The following UPF2 variants were observed in gnomAD, a reference collection of about 807,000 sequenced individuals.
The protein encoded by UPF2 is UPF2 regulator of nonsense mediated mRNA decay.
In UPF2, 17 loss-of-function variants were observed where a neutral mutation model predicts 141.4. That is an observed-to-expected ratio of 0.12 (90% confidence interval 0.08 to 0.18). The LOEUF (loss-of-function observed/expected upper bound fraction) is 0.18. UPF2 is among the 10% of genes least tolerant of loss of function. The pLI is 1.00. For synonymous variants in UPF2, 540 were observed against 498.0 expected, an observed-to-expected ratio of 1.08 and a Z score of -1.12; for missense variants, 1,152 against 1,515.9, an observed-to-expected ratio of 0.76 and a Z score of 3.99.
intron 1 of UPF2, among the ~76,000 whole-genome samples, chr10:12,038,926 C>T (rs546119582): frequency 7.3e-6 from 1 of 136,826 alleles, no homozygotes; most frequent in Non-Finnish European, 1.7e-5. Context: ...CTCGGCCTTC[C>T]AAAGTGCTAG....
intron 1 of UPF2, among the ~76,000 whole-genome samples, chr10:12,041,889 T>G (rs1299173007): frequency 1.3e-5 from 2 of 152,086 alleles, no homozygotes; most frequent in African/African-American, 2.4e-5. Flanking sequence ...GTCGTGTAAG[T>G]CCTCTAAGAT....
rs116522898 is a variant in UPF2, at chr10:12,005,522, G to T, written c.1307-795C>A. 4.2e-3 allele frequency among the ~76,000 whole-genome samples: 635 copies of T among 152,262 alleles called. 5 individuals are homozygous for T. The highest frequency in any genetic ancestry group is 0.014 in the African/African-American group (598 of 41,576). On this transcript the variant is annotated intron_variant, in intron 4 of 21. Coordinates refer to ENST00000357604, the MANE Select transcript of UPF2 (RefSeq NM_015542.4). Reference sequence around the variant, plus strand: ...AGATACATACTGGTTATGTAGTTCAGTCTCCAAGGCTTAATTTCCCCCTTG... The same window carrying T: ...AGATACATACTGGTTATGTAGTTCATTCTCCAAGGCTTAATTTCCCCCTTG...
intron 21 of UPF2, chr10:11,928,641 A>AGAGCTTGCAGT: frequency 8.3e-6 from 2 of 241,958 alleles, no homozygotes; most frequent in South Asian, 8.3e-5. Flanking sequence ...CCCGGGAGGC[A>AGAGCTTGCAGT]GAGCTTGCAG....
At chr10:12,018,505 C>T (rs554491898) in intron 3 of UPF2, among the ~76,000 whole-genome samples, 4 of 151,948 alleles carry the variant, frequency 2.6e-5, no homozygotes, top group Non-Finnish European at 4.4e-5. Flanking sequence ...CACTTGAATC[C>T]GGGAGGCAAA....
intron 9 of UPF2, among the ~76,000 whole-genome samples, chr10:11,978,190 T>C (rs986851306): frequency 2.6e-5 from 4 of 152,252 alleles, no homozygotes; most frequent in Non-Finnish European, 4.4e-5. Context: ...TTGCGAGAGC[T>C]TGGCAACACT....
chr10:11,975,460 A>T (rs1027055525), intron 9 of UPF2, among the ~76,000 whole-genome samples: 10 of 152,218 alleles, frequency 6.6e-5, no homozygotes, highest in Non-Finnish European at 1.0e-4. Context: ...ATTATATGTA[A>T]GATTTTATAT....
rs1832624221 is a variant in UPF2, at chr10:11,920,314, G to A, written c.*984C>T. 1.3e-5 allele frequency: 2 copies of A among 150,634 alleles called. No homozygotes were observed. The highest frequency in any genetic ancestry group is 4.2e-4 in the South Asian group (2 of 4,738). The allele number at this position is 150,634 out of a possible 1,614,324, so 9.3% of individuals were successfully genotyped here. Reference sequence around the variant, plus strand: ...TAACAGATTGTCAGAAACAGACTAAGGACCCTCATTTCTATTTAGTGGGGG... The same window carrying A: ...TAACAGATTGTCAGAAACAGACTAAAGACCCTCATTTCTATTTAGTGGGGG... On this transcript the variant is annotated 3_prime_UTR_variant, in exon 22 of 22. Coordinates refer to ENST00000357604, the MANE Select transcript of UPF2 (RefSeq NM_015542.4).
intron 8 of UPF2, among the ~76,000 whole-genome samples, chr10:11,987,557 T>G (rs960298104): frequency 6.6e-6 from 1 of 151,592 alleles, no homozygotes; most frequent in Non-Finnish European, 1.5e-5. Flanking sequence ...CAGGAGTTCA[T>G]GACCAGCCTG....
chr10:12,020,128 TA>T (rs1834291595), intron 3 of UPF2, among the ~76,000 whole-genome samples: 1 of 152,170 alleles, frequency 6.6e-6, no homozygotes, highest in Non-Finnish European at 1.5e-5. Context: ...CATTAATGCC[TA>T]AAAAATTCTA....
chr10:11,964,200 A>C (rs1833283074), intron 10 of UPF2, 75 bp from the exon 11 acceptor site: 1 of 1,085,316 alleles, frequency 9.2e-7, no homozygotes, highest in South Asian at 1.6e-5. Flanking sequence ...TCATACATCT[A>C]ATGTGTGTAA....
chr10:12,009,566 A>C (rs1834093300), intron 4 of UPF2, among the ~76,000 whole-genome samples: 2 of 152,214 alleles, frequency 1.3e-5, no homozygotes, highest in Non-Finnish European at 2.9e-5. Context: ...CAAACACTGG[A>C]CATCAGGCAG....
In UPF2 at chr10:11,931,840, A is replaced by C. The variant is rs1832785211; in HGVS notation, c.3547-58T>G. 1 of 1,543,766 alleles carries C rather than the reference A, an allele frequency of 6.5e-7. No homozygotes were observed. Among genetic ancestry groups the C allele is most frequent in the Admixed American group, 2.2e-5 (1 of 46,092 alleles). ...TTTGAGAACACTGAGAGAAAGAAAA[A>C]ACAGACTTCAAATAAAATAGCAAGT... On this transcript the variant is annotated intron_variant, in intron 19 of 21. Transcript: ENST00000357604. This position sits in a 1 kb window ranked among gnomAD's most constrained non-coding sequence, Gnocchi z 5.9.
chr10:11,967,298 T>C, intron 10 of UPF2, 43 bp downstream of exon 10: 1 of 1,193,804 alleles, frequency 8.4e-7, no homozygotes, highest in Non-Finnish European at 1.2e-6. Flanking sequence ...AATTAAAACT[T>C]TAAACTTTTC....
At chr10:11,941,072 T>C (rs1412497408) in intron 18 of UPF2, among the ~76,000 whole-genome samples, 1 of 152,200 alleles carries the variant, frequency 6.6e-6, no homozygotes, top group Non-Finnish European at 1.5e-5. Context: ...TATCACAATT[T>C]GAAATGATAT....
At chr10:12,038,695 C>T (rs989230804) in intron 1 of UPF2, among the ~76,000 whole-genome samples, 4 of 152,014 alleles carry the variant, frequency 2.6e-5, no homozygotes, top group African/African-American at 9.7e-5. Context: ...CGCCACTGCA[C>T]TCCAGTCTGG....
rs143704496 is a variant in UPF2, at chr10:11,956,529, A to G, written c.2371-6T>C. On this transcript the variant is annotated splice_region_variant and splice_polypyrimidine_tract_variant and intron_variant, in intron 12 of 21. Transcript: ENST00000357604. The surrounding 1 kb of genome is among the most constrained non-coding windows in gnomAD (Gnocchi z 4.2). ...TTTCGCATCTGTCTCAAAACCTAAA[A>G]AAAGAGAATTTTGTTCAAATTATTA... 6.2e-7 allele frequency: 1 copy of G among 1,612,268 alleles called. No homozygotes were observed.
In UPF2 at chr10:12,004,875, C is replaced by T. The variant is rs1307771778; in HGVS notation, c.1307-148G>A. Reference sequence around the variant, plus strand: ...TCTTCAATTAACAAGCACATGTGACCGTTTTCAACACCAAATCACAAACTG... The same window carrying T: ...TCTTCAATTAACAAGCACATGTGACTGTTTTCAACACCAAATCACAAACTG... On this transcript the variant is annotated intron_variant, in intron 4 of 21. Transcript: ENST00000357604. The T allele has an allele frequency of 2.0e-5, 13 of 665,320 alleles. No homozygotes were observed. The East Asian group carries it at 2.9e-4, about 15-fold the overall frequency. 41.2% of individuals were successfully genotyped at this position (665,320 alleles called of 1,614,324 possible).
rs545713342 is a variant in UPF2, at chr10:11,936,451, G to A, written c.3546+94C>T. ...TTCTACCACTGAATGGTTTAAAACTGTCCAACCCTTATCCCCTTGTAGGTC... is the reference window on the plus strand; with the variant it reads ...TTCTACCACTGAATGGTTTAAAACTATCCAACCCTTATCCCCTTGTAGGTC... On this transcript the variant is annotated intron_variant, in intron 19 of 21. Transcript: ENST00000357604. This position sits in a 1 kb window ranked among gnomAD's most constrained non-coding sequence, Gnocchi z 6.6. 14 of 1,338,318 alleles carry A rather than the reference G, an allele frequency of 1.0e-5. No homozygotes were observed. The highest frequency in any genetic ancestry group is 8.9e-5 in the African/African-American group (6 of 67,660). 82.9% of individuals were successfully genotyped at this position (1,338,318 alleles called of 1,614,324 possible). A position where few individuals can be genotyped will look rare whatever the true frequency, so the allele number is the denominator to read the frequency against.
At chr10:12,028,455 C>G (rs1834458241) in intron 3 of UPF2, among the ~76,000 whole-genome samples, 1 of 151,972 alleles carries the variant, frequency 6.6e-6, no homozygotes, top group South Asian at 2.1e-4. Flanking sequence ...GAAATTTTAC[C>G]CCTTGATTAT....
Sources: allele counts gnomAD v4.1 joint callset (sites outside exome capture counted in the v4.1 genomes callset), GRCh38; gene constraint gnomAD v4.1.1; non-coding constraint Gnocchi (gnomAD v3.1); transcripts MANE v1.5; gene names NCBI Gene and HGNC (gene_info 2026-07-23, HGNC 2026-07-21).